Variants in ITFG2 observed in about 807,000 individuals in gnomAD.
ITFG2 encodes the protein integrin alpha FG-GAP repeat containing 2.
ITFG2 carries 36 observed loss-of-function variants against 54.4 expected under a neutral mutation model. The ratio of observed to expected loss-of-function variants is 0.66; its 90% CI spans 0.51 to 0.87. The LOEUF (loss-of-function observed/expected upper bound fraction) is 0.87, where lower values mean the gene tolerates loss of function less well. Among genes scored for constraint, ITFG2 ranks in the 40% least tolerant of loss-of-function variants. The pLI is 0.00. For missense variants in ITFG2, 524 were observed against 576.7 expected (o/e 0.91, Z 0.94); for synonymous variants, 211 against 225.4 (o/e 0.94, Z 0.57).
chr12:2,846,284 C>T (rs1208958239), intron 2 of ITFG2, among the ~76,000 whole-genome samples: 1 of 152,194 alleles, frequency 6.6e-6, no homozygotes, highest in Non-Finnish European at 1.5e-5. Flanking sequence ...GTGCAGCTTC[C>T]TTTCTGCCCG....
chr12:2,826,363 A>T (rs1197982800), downstream of ITFG2: 2 of 152,152 alleles, frequency 1.3e-5, no homozygotes, highest in African/African-American at 2.4e-5. Context: ...AATCAGAAAG[A>T]ATGCTGAATA....
intron 3 of ITFG2, chr12:2,858,921 A>AG (rs745702333): frequency 3.7e-6 from 6 of 1,613,632 alleles, no homozygotes; most frequent in East Asian, 2.2e-5. Context: ...CGGTGATTCA[A>AG]GGGGGGGAGC....
At chr12:2,844,082 C>G (rs1603485944) in intron 2 of ITFG2, among the ~76,000 whole-genome samples, 1 of 145,180 alleles carries the variant, frequency 6.9e-6, no homozygotes, top group Non-Finnish European at 1.5e-5. Context: ...TGGCGAAACC[C>G]CATCTCTACT....
chr12:2,831,913 G>T (rs539408436), upstream of ITFG2, among the ~76,000 whole-genome samples: 1 of 152,148 alleles, frequency 6.6e-6, no homozygotes, highest in African/African-American at 2.4e-5. Flanking sequence ...CTTCCTTTCT[G>T]TTACTGCCTG....
Position 2,812,704 on chromosome 12 carries a change from C to A in ITFG2, c.-57C>A, listed in dbSNP as rs1411381788. On this transcript the variant is annotated 5_prime_UTR_variant, in exon 1 of 12. Transcript: ENST00000228799. The stretch of plus-strand genomic sequence containing the variant: ...CCTTCCGCTCTGGCGGCTGTCGCGA[C>A]GGGGGTTCAGGGAATATTTACTGGG... 2.7e-6 allele frequency: 4 copies of A among 1,491,400 alleles called. No homozygotes were observed. In the East Asian group the frequency reaches 6.9e-5, roughly 26 times the overall value. 92.4% of individuals were successfully genotyped at this position (1,491,400 alleles called of 1,614,324 possible). A position where few individuals can be genotyped will look rare whatever the true frequency, so the allele number is the denominator to read the frequency against.
downstream of ITFG2, chr12:2,827,782 G>A (rs1017095046): frequency 1.9e-5 from 30 of 1,605,686 alleles, no homozygotes; most frequent in South Asian, 1.9e-4. This position sits in a 1 kb window ranked among gnomAD's most constrained non-coding sequence, Gnocchi z 4.0. Context: ...CCCCAGATCC[G>A]AGGACACTGG....
chr12:2,816,636 CTTTTTTT>C lies in ITFG2; in HGVS notation c.97-575_97-569del, dbSNP rs57417012. 8.1e-5 allele frequency among the ~76,000 whole-genome samples: 9 copies of C among 111,278 alleles called. No individual in the cohort carries two copies. In the East Asian group the frequency reaches 1.3e-3, roughly 16 times the overall value. 73.0% of individuals were successfully genotyped at this position (111,278 alleles called of 152,430 possible). On this transcript the variant is annotated intron_variant, in intron 1 of 11. Transcript: ENST00000228799. ...GAGCCACTGCGCCTGGCCTTTTTTT[CTTTTTTT>C]TTTTTTTTTTTGAGAGACAGGGTCT...
intron 2 of ITFG2, chr12:2,857,142 G>A: frequency 1.4e-6 from 1 of 697,524 alleles, no homozygotes; most frequent in South Asian, 1.5e-5. Flanking sequence ...CAGAGAAGAG[G>A]CCCTCACCTG....
chr12:2,815,733 G>T (rs1010549259), intron 1 of ITFG2, among the ~76,000 whole-genome samples: 1 of 152,146 alleles, frequency 6.6e-6, no homozygotes, highest in Non-Finnish European at 1.5e-5. Context: ...TGTTCAGGTC[G>T]CATACTTTTC....
chr12:2,852,434 A>G (rs1050490745), intron 2 of ITFG2, among the ~76,000 whole-genome samples: 1 of 151,822 alleles, frequency 6.6e-6, no homozygotes, highest in African/African-American at 2.4e-5. Context: ...TGGCACAGTG[A>G]TGGCTAACTG....
chr12:2,824,492 A>C lies in ITFG2; in HGVS notation c.*299A>C, dbSNP rs1014735991. The stretch of plus-strand genomic sequence containing the variant: ...TCATCTGGGACATGACCCACTCCCC[A>C]CTGTCACTGTGTTGAAAACAGAGAC... On this transcript the variant is annotated 3_prime_UTR_variant, in exon 12 of 12. Transcript: ENST00000228799. 1.5e-5 allele frequency: 6 copies of C among 408,422 alleles called. No individual in the cohort carries two copies. Among genetic ancestry groups the C allele is most frequent in the African/African-American group, 1.0e-4 (5 of 48,868 alleles). The allele number at this position is 408,422 out of a possible 1,614,324, so 25.3% of individuals were successfully genotyped here. A position where few individuals can be genotyped will look rare whatever the true frequency, so the allele number is the denominator to read the frequency against.
chr12:2,815,136 G>A (rs779415190), intron 1 of ITFG2, among the ~76,000 whole-genome samples: 1 of 152,074 alleles, frequency 6.6e-6, no homozygotes, highest in African/African-American at 2.4e-5. Context: ...GAGCCACCGC[G>A]CCCAGCCAGA....
chr12:2,846,140 G>C (rs2098052786), intron 2 of ITFG2, among the ~76,000 whole-genome samples: 1 of 152,196 alleles, frequency 6.6e-6, no homozygotes. Context: ...ATGAACAAGA[G>C]AGCCTGGATA....
At chr12:2,847,872 A>C (rs1301135801) in intron 2 of ITFG2, among the ~76,000 whole-genome samples, 2 of 152,206 alleles carry the variant, frequency 1.3e-5, no homozygotes, top group African/African-American at 2.4e-5. Flanking sequence ...TCCACACTGT[A>C]GCATCTATCA....
upstream of ITFG2, among the ~76,000 whole-genome samples, chr12:2,832,331 C>A (rs1323951667): frequency 6.6e-6 from 1 of 152,020 alleles, no homozygotes; most frequent in Non-Finnish European, 1.5e-5. Context: ...CCGGGCCGTG[C>A]CTCCTTCCCT....
intron 2 of ITFG2, among the ~76,000 whole-genome samples, chr12:2,855,724 T>C (rs1207772083): frequency 1.3e-5 from 2 of 152,146 alleles, no homozygotes; most frequent in African/African-American, 2.4e-5. Context: ...GCTTTCACTC[T>C]TTACCTTCAC....
Position 2,817,900 on chromosome 12 carries a change from C to G in ITFG2, c.193-9C>G, listed in dbSNP as rs753757627. ...AGCGTCTCCCTGAGCCTCCCTTTCTCTCTTACAGCTGACTTGCGTTGGGGT... is the reference window on the plus strand; with the variant it reads ...AGCGTCTCCCTGAGCCTCCCTTTCTGTCTTACAGCTGACTTGCGTTGGGGT... On this transcript the variant is annotated splice_polypyrimidine_tract_variant and intron_variant, in intron 2 of 11. Coordinates refer to ENST00000228799, the MANE Select transcript of ITFG2 (RefSeq NM_018463.4). 6.8e-6 allele frequency: 11 copies of G among 1,613,660 alleles called. No individual in the cohort carries two copies. In the Middle Eastern group the frequency reaches 8.3e-4, roughly 121 times the overall value.
rs2097938099 is a variant in ITFG2, at chr12:2,820,075, C to G, written c.407-11C>G. ...GGACTCCAGAGCCCATCTTGTCTTT[C>G]ATGCCCACAGATGGAGATGGGTGTC... On this transcript the variant is annotated splice_polypyrimidine_tract_variant and intron_variant, in intron 4 of 11. Transcript: ENST00000228799. The G allele has an allele frequency of 3.1e-6, 5 of 1,599,414 alleles. No homozygotes were observed. Among genetic ancestry groups the G allele is most frequent in the African/African-American group, 1.3e-5 (1 of 74,578 alleles).
intron 2 of ITFG2, among the ~76,000 whole-genome samples, chr12:2,842,373 G>A (rs61919362): frequency 0.16 from 24,130 of 147,836 alleles, 2,045 homozygotes; most frequent in South Asian, 0.34. Context: ...CACCCGCCTC[G>A]GCCTCCCAAA....
Sources: gnomAD v4.1 joint callset for allele counts (sites outside exome capture counted in the v4.1 genomes callset) on GRCh38, gnomAD v4.1.1 for gene constraint, Gnocchi (gnomAD v3.1) non-coding constraint, MANE v1.5 for transcripts, NCBI Gene and HGNC (gene_info 2026-07-23, HGNC 2026-07-21) for gene names.